The following BTBD7 variants were observed in gnomAD, a reference collection of about 807,000 sequenced individuals.
BTBD7 encodes the protein BTB/POZ domain-containing protein 7.
BTBD7 carries 38 observed loss-of-function variants against 99.9 expected under a neutral mutation model. That is an observed-to-expected ratio of 0.38 (90% CI 0.29 to 0.50). The LOEUF is 0.50. Ranked by LOEUF, BTBD7 falls within the 20% of genes least tolerant of loss-of-function variation. BTBD7 has a pLI of 0.93. For synonymous variants in BTBD7, 520 were observed against 511.4 expected, an observed-to-expected ratio of 1.02 and a Z score of -0.23; for missense variants, 1,170 against 1,394.6, an observed-to-expected ratio of 0.84 and a Z score of 2.57.
intron 3 of BTBD7, among the ~76,000 whole-genome samples, chr14:93,272,097 T>C (rs530482332): frequency 5.7e-4 from 87 of 152,206 alleles, no homozygotes; most frequent in Non-Finnish European, 1.1e-3. Flanking sequence ...GGTGGGCGGA[T>C]CACCAGGTCA....
At chr14:93,303,060 G>A (rs1430691278) in intron 1 of BTBD7, among the ~76,000 whole-genome samples, 3 of 152,092 alleles carry the variant, frequency 2.0e-5, no homozygotes, top group East Asian at 1.9e-4. Flanking sequence ...GTCTTTGTTC[G>A]GAACACAATA....
chr14:93,319,186 C>T (rs1233804241), intron 1 of BTBD7, among the ~76,000 whole-genome samples: 1 of 152,218 alleles, frequency 6.6e-6, no homozygotes, highest in East Asian at 1.9e-4. Flanking sequence ...GCACTACAGC[C>T]TGGACAACAG....
At chr14:93,275,981 A>G (rs919401077) in intron 3 of BTBD7, among the ~76,000 whole-genome samples, 3 of 152,190 alleles carry the variant, frequency 2.0e-5, no homozygotes, top group African/African-American at 4.8e-5. Context: ...TGGGAGGCTT[A>G]GGTGGGGCAG....
At chr14:93,243,201 T>G in intron 10 of BTBD7, 113 bp from the exon 11 acceptor site, 2 of 759,658 alleles carry the variant, frequency 2.6e-6, no homozygotes, top group Non-Finnish European at 1.9e-6. Context: ...TCTGTTTTTG[T>G]TTTTTTTTTT....
chr14:93,301,694 A>G (rs957332770), intron 1 of BTBD7, among the ~76,000 whole-genome samples: 9 of 152,154 alleles, frequency 5.9e-5, no homozygotes, highest in Non-Finnish European at 1.3e-4. Context: ...CTCAAAAACA[A>G]AAACAAAAAA....
chr14:93,241,989 C>T lies in BTBD7; in HGVS notation c.*284G>A, dbSNP rs1275345592. On this transcript the variant is annotated 3_prime_UTR_variant, in exon 11 of 11. Transcript: ENST00000334746. ...TAAATGTACAAGTGCAAAAAAATTC[C>T]ATCATTTGTAAAGAGAAATAAAAAG... 4.7e-6 allele frequency: 2 copies of T among 426,936 alleles called. No homozygotes were observed. Among genetic ancestry groups the T allele is most frequent in the Non-Finnish European group, 8.3e-6 (2 of 242,338 alleles). The allele number at this position is 426,936 out of a possible 1,614,324, so 26.4% of individuals were successfully genotyped here.
chr14:93,310,465 T>C (rs183997142), intron 1 of BTBD7, among the ~76,000 whole-genome samples: 20 of 152,298 alleles, frequency 1.3e-4, no homozygotes, highest in African/African-American at 4.3e-4. Context: ...TTTCCTATAG[T>C]TTGGATTTTG....
intron 1 of BTBD7, among the ~76,000 whole-genome samples, chr14:93,308,157 G>A (rs2053092797): frequency 6.6e-6 from 1 of 152,016 alleles, no homozygotes; most frequent in Admixed American, 6.6e-5. Flanking sequence ...TGTGGTGGTG[G>A]GCGCCTGCAG....
chr14:93,307,921 ATTC>A (rs1197205532), intron 1 of BTBD7, among the ~76,000 whole-genome samples: 1 of 152,208 alleles, frequency 6.6e-6, no homozygotes, highest in Admixed American at 6.5e-5. Context: ...ATCTGTAATC[ATTC>A]TTCAAGATTT....
intron 3 of BTBD7, among the ~76,000 whole-genome samples, chr14:93,272,585 C>T (rs1043523276): frequency 6.6e-6 from 1 of 152,142 alleles, no homozygotes; most frequent in Non-Finnish European, 1.5e-5. Context: ...CTACTGTCTC[C>T]CTCCACCCAG....
At chr14:93,252,730 C>T (rs192856223) in intron 7 of BTBD7, among the ~76,000 whole-genome samples, 1 of 152,166 alleles carries the variant, frequency 6.6e-6, no homozygotes, top group East Asian at 1.9e-4. Flanking sequence ...AGTATACACA[C>T]TGTTTTGTCT....
intron 3 of BTBD7, among the ~76,000 whole-genome samples, chr14:93,266,779 A>C (rs532277313): frequency 6.6e-6 from 1 of 152,362 alleles, no homozygotes; most frequent in East Asian, 1.9e-4. Flanking sequence ...AGAGCAAATA[A>C]AAGATGTCTT....
intron 1 of BTBD7, among the ~76,000 whole-genome samples, chr14:93,331,737 C>T (rs2053417295): frequency 6.6e-6 from 1 of 152,072 alleles, no homozygotes; most frequent in East Asian, 1.9e-4. Context: ...AAAAACTAGC[C>T]GGGCGTGGCA....
Position 93,242,812 on chromosome 14 carries a change from T to C in BTBD7, c.2860A>G (p.Arg954Gly), listed in dbSNP as rs1461316661. 1.9e-6 allele frequency: 3 copies of C among 1,614,194 alleles called. No homozygotes were observed. The East Asian group carries it at 6.7e-5, about 36-fold the overall frequency. Residue 954 changes from arginine (R) to glycine (G), a missense_variant, in exon 11 of 11, where the codon AGA (arginine) becomes GGA (glycine). By Grantham distance (125) the Arg-to-Gly change is moderately radical. This residue lies in a region of BTBD7 where 495 missense variants were observed against 525.9 expected (regional missense o/e 0.94). Coordinates refer to ENST00000334746, the MANE Select transcript of BTBD7 (RefSeq NM_001002860.4). ...DFYDFSNAAC[R>G]PSTPALSRRT... ...CTGCTGAGAGCAGGAGTAGAAGGTC[T>C]GCAAGCAGCATTTGAGAAGTCATAG...
intron 1 of BTBD7, among the ~76,000 whole-genome samples, chr14:93,304,632 G>A (rs141113095): frequency 3.9e-5 from 6 of 152,308 alleles, no homozygotes; most frequent in African/African-American, 1.2e-4. Context: ...GATTACAGGC[G>A]TGAGCCACCG....
intron 3 of BTBD7, among the ~76,000 whole-genome samples, chr14:93,274,132 G>C (rs1446863683): frequency 1.3e-5 from 2 of 152,216 alleles, no homozygotes; most frequent in African/African-American, 4.8e-5. Flanking sequence ...TGAAGTATTG[G>C]CAAAGAATGA....
chr14:93,290,987 GTTTTTTTTTTTTTT>G (rs34246296), intron 3 of BTBD7, among the ~76,000 whole-genome samples: 5 of 76,760 alleles, frequency 6.5e-5, no homozygotes, highest in Non-Finnish European at 9.6e-5. Context: ...GCTAGGCCTA[GTTTTTTTTTTTTTT>G]TTTTTTTTTT....
intron 7 of BTBD7, among the ~76,000 whole-genome samples, chr14:93,252,972 G>A (rs915195795): frequency 5.9e-5 from 9 of 152,104 alleles, no homozygotes; most frequent in South Asian, 2.1e-4. Context: ...CAGGGTGCAC[G>A]CCACCACAAC....
intron 1 of BTBD7, among the ~76,000 whole-genome samples, chr14:93,315,100 ATT>A (rs2053184029): frequency 6.6e-6 from 1 of 152,102 alleles, no homozygotes; most frequent in Non-Finnish European, 1.5e-5. Flanking sequence ...TACTGCAAAC[ATT>A]TTTACATCAG....
Sources: allele counts gnomAD v4.1 joint callset (sites outside exome capture counted in the v4.1 genomes callset), GRCh38; gene constraint gnomAD v4.1.1; regional missense constraint gnomAD v4.1.1; transcripts MANE v1.5; gene names NCBI Gene and HGNC (gene_info 2026-07-23, HGNC 2026-07-21).